GJC1: variants seen among roughly 807,000 people sequenced by gnomAD.
GJC1 encodes gap junction protein gamma 1.
In GJC1, 5 loss-of-function variants were observed where a neutral mutation model predicts 29.3. The ratio of observed to expected loss-of-function variants is 0.17; its 90% CI spans 0.09 to 0.36. The LOEUF is 0.36. GJC1 is among the 10% of genes least tolerant of loss of function. GJC1 has a pLI of 1.00. For synonymous variants in GJC1, 177 were observed against 183.3 expected (o/e 0.97, Z 0.28); for missense variants, 310 against 496.2 (o/e 0.62, Z 3.56).
Position 44,804,995 on chromosome 17 carries a change from A to G in GJC1, c.823T>C (p.Tyr275His). ...KRRELEDPGA[Y>H]NYPFTWNTPS... ...GTATTCCAAGTGAAAGGATAATTAT[A>G]AGCACCCGGATCCTCAAGTTCCCTC... The change falls in exon 3 of 3, where the codon TAT (tyrosine) becomes CAT (histidine). Residue 275 changes from tyrosine to histidine, a missense_variant. Around this residue, in one of 4 missense-constraint regions of GJC1, gnomAD observed 146 missense variants for 165.0 expected, o/e 0.88. Transcript: ENST00000592524. 1 of 1,613,946 alleles carries G rather than the reference A, an allele frequency of 6.2e-7. No homozygotes were observed. The highest frequency in any genetic ancestry group is 1.1e-5 in the South Asian group (1 of 91,078).
chr17:44,824,084 T>A (rs563671740), intron 1 of GJC1, among the ~76,000 whole-genome samples: 4 of 152,164 alleles, frequency 2.6e-5, no homozygotes, highest in South Asian at 2.1e-4. Context: ...CTCAGCTCAC[T>A]GCAACCTCCA....
At chr17:44,825,381 T>C (rs1486699055) in intron 1 of GJC1, among the ~76,000 whole-genome samples, 1 of 151,762 alleles carries the variant, frequency 6.6e-6, no homozygotes, top group African/African-American at 2.4e-5. Context: ...TCCCAGCTAC[T>C]TGGGAGGCTG....
chr17:44,811,835 C>A (rs2049986676), intron 1 of GJC1, among the ~76,000 whole-genome samples: 1 of 151,898 alleles, frequency 6.6e-6, no homozygotes, highest in African/African-American at 2.4e-5. Context: ...GAAACCCCGT[C>A]TCTACTAAAA....
intron 1 of GJC1, chr17:44,829,570 G>A (rs554822937): frequency 6.6e-6 from 1 of 152,170 alleles, no homozygotes; most frequent in Non-Finnish European, 1.5e-5. Flanking sequence ...AGCCTCAGAC[G>A]AGCCCGCACG....
At chr17:44,814,890 C>T (rs2050025162) in intron 1 of GJC1, among the ~76,000 whole-genome samples, 1 of 151,108 alleles carries the variant, frequency 6.6e-6, no homozygotes, top group Non-Finnish European at 1.5e-5. Flanking sequence ...TGCAGTGAGA[C>T]GAGAAGGCAC....
Position 44,803,998 on chromosome 17 carries a change from G to T in GJC1, c.*629C>A, listed in dbSNP as rs1450631781. On this transcript the variant is annotated 3_prime_UTR_variant, in exon 3 of 3. Transcript: ENST00000592524. ...GCTACAACTCTGATCGCATGAATGA[G>T]ATTCAAAGATTTCTCACATAAAAGA... The T allele has an allele frequency of 6.6e-6, 1 of 152,136 alleles. No individual in the cohort carries two copies. Among genetic ancestry groups the T allele is most frequent in the African/African-American group, 2.4e-5 (1 of 41,416 alleles). The allele number at this position is 152,136 out of a possible 1,614,324, so 9.4% of individuals were successfully genotyped here. A position where few individuals can be genotyped will look rare whatever the true frequency, so the allele number is the denominator to read the frequency against.
chr17:44,819,636 C>G (rs983694889), intron 1 of GJC1, among the ~76,000 whole-genome samples: 1 of 150,294 alleles, frequency 6.7e-6, no homozygotes, highest in Non-Finnish European at 1.5e-5. Context: ...CCAGCCTGGG[C>G]GACAGAGCGA....
chr17:44,817,357 T>C (rs997174908), intron 1 of GJC1, among the ~76,000 whole-genome samples: 1 of 151,594 alleles, frequency 6.6e-6, no homozygotes, highest in Admixed American at 6.6e-5. Context: ...ACATTACAGA[T>C]GGAATTATGT....
intron 1 of GJC1, among the ~76,000 whole-genome samples, chr17:44,820,296 T>TA (rs2050093491): frequency 6.6e-6 from 1 of 152,136 alleles, no homozygotes; most frequent in South Asian, 2.1e-4. Flanking sequence ...TTTGTGAAAC[T>TA]AAGCAAGCAA....
In GJC1 at chr17:44,809,921, T is replaced by C. The variant is rs111548023; in HGVS notation, c.-96-2452A>G. 4.3e-3 allele frequency among the ~76,000 whole-genome samples: 625 copies of C among 146,016 alleles called. 2 individuals are homozygous for C. The highest frequency in any genetic ancestry group is 0.015 in the African/African-American group (586 of 39,248). On this transcript the variant is annotated intron_variant, in intron 1 of 2. Coordinates refer to ENST00000592524, the MANE Select transcript of GJC1 (RefSeq NM_005497.4). ...TTGGCCAAGCTGGAGTGCAGTGGCA[T>C]GATCTCGGCTCACTGCAAGCTCCGC...
At chr17:44,822,440 G>C (rs970205923) in intron 1 of GJC1, among the ~76,000 whole-genome samples, 1 of 151,108 alleles carries the variant, frequency 6.6e-6, no homozygotes, top group East Asian at 2.0e-4. Flanking sequence ...TCAGGAGTTC[G>C]AGACCAACCT....
chr17:44,804,360 AAT>A lies in GJC1; in HGVS notation c.*265_*266del. On this transcript the variant is annotated 3_prime_UTR_variant, in exon 3 of 3. Transcript: ENST00000592524. ...AAAACTGTTCAACAAGAATGATTTA[AAT>A]ATGTCTGTTCTTCTCCAGATCTGGA... 2.4e-6 allele frequency: 1 copy of A among 412,162 alleles called. No individual in the cohort carries two copies. The highest frequency in any genetic ancestry group is 4.3e-6 in the Non-Finnish European group (1 of 232,528). 25.5% of individuals were successfully genotyped at this position (412,162 alleles called of 1,614,324 possible). A position where few individuals can be genotyped will look rare whatever the true frequency, so the allele number is the denominator to read the frequency against.
intron 1 of GJC1, among the ~76,000 whole-genome samples, chr17:44,811,588 T>C (rs1289188306): frequency 6.6e-6 from 1 of 152,046 alleles, no homozygotes; most frequent in Non-Finnish European, 1.5e-5. Flanking sequence ...GGTTTTGCCA[T>C]GTTGCCCAGG....
At chr17:44,815,336 C>CT (rs2050030109) in intron 1 of GJC1, among the ~76,000 whole-genome samples, 1 of 152,058 alleles carries the variant, frequency 6.6e-6, no homozygotes, top group Non-Finnish European at 1.5e-5. Context: ...TTTATATGTA[C>CT]TTTTATACTT....
chr17:44,806,089 C>A (rs927858871), intron 2 of GJC1, among the ~76,000 whole-genome samples: 1 of 152,072 alleles, frequency 6.6e-6, no homozygotes, highest in African/African-American at 2.4e-5. Flanking sequence ...GCCTGGTCAA[C>A]ATGGTGAAAC....
At chr17:44,808,488 C>T (rs975091438) in intron 1 of GJC1, among the ~76,000 whole-genome samples, 14 of 151,924 alleles carry the variant, frequency 9.2e-5, no homozygotes, top group African/African-American at 1.9e-4. Flanking sequence ...CTCTGGCTCA[C>T]GCCTGTAATC....
At chr17:44,812,269 G>C (rs533746057) in intron 1 of GJC1, among the ~76,000 whole-genome samples, 4 of 152,250 alleles carry the variant, frequency 2.6e-5, no homozygotes, top group African/African-American at 9.6e-5. Context: ...AGGCTGCAGT[G>C]AGTCGAGATT....
intron 1 of GJC1, among the ~76,000 whole-genome samples, chr17:44,828,428 G>A (rs2050198095): frequency 6.6e-6 from 1 of 152,094 alleles, no homozygotes; most frequent in South Asian, 2.1e-4. Context: ...GAAATGCTTT[G>A]GAAAAATGCA....
rs1199174012 is a variant in GJC1 at position 44,821,643 on chromosome 17, G to A, written c.-97+8419C>T. ...ACTTGGGAGGTGGAGGCTGCAGTGA[G>A]CCAAGATCGCGCCATTGCACTCCAG... On this transcript the variant is annotated intron_variant, in intron 1 of 2. Coordinates refer to ENST00000592524, the MANE Select transcript of GJC1 (RefSeq NM_005497.4). Among the ~76,000 whole-genome samples the A allele has an allele frequency of 5.2e-5, 7 of 135,808 alleles. No homozygotes were observed. In the Admixed American group the frequency reaches 5.9e-4, roughly 12 times the overall value. The allele number at this position is 135,808 out of a possible 152,430, so 89.1% of individuals were successfully genotyped here.
Sources: allele counts gnomAD v4.1 joint callset (sites outside exome capture counted in the v4.1 genomes callset), GRCh38; gene constraint gnomAD v4.1.1; regional missense constraint gnomAD v4.1.1; transcripts MANE v1.5; gene names NCBI Gene and HGNC (gene_info 2026-07-23, HGNC 2026-07-21).